The following SLC8A2 variants were observed in gnomAD, a reference collection of about 807,000 sequenced individuals.
SLC8A2 encodes the protein solute carrier family 8 member A2, also known as sodium/calcium exchanger 2.
SLC8A2 carries 14 observed loss-of-function variants against 70.2 expected under a neutral mutation model. The ratio of observed to expected loss-of-function variants is 0.20; its 90% CI spans 0.13 to 0.31. The LOEUF (loss-of-function observed/expected upper bound fraction) is 0.31. SLC8A2 is among the 10% of genes least tolerant of loss of function. The pLI, the probability that SLC8A2 is intolerant of heterozygous loss-of-function variation, is 1.00. For synonymous variants in SLC8A2, 575 were observed against 594.3 expected, an observed-to-expected ratio of 0.97 and a Z score of 0.47; for missense variants, 779 against 1,320.1, an observed-to-expected ratio of 0.59 and a Z score of 6.35.
At chr19:47,470,388 C>CACACACA (rs3223011) in intron 1 of SLC8A2, among the ~76,000 whole-genome samples, 1 of 150,100 alleles carries the variant, frequency 6.7e-6, no homozygotes, top group African/African-American at 2.5e-5. Context: ...CACACACACA[C>CACACACA]CAGGGCTACA....
chr19:47,455,478 C>T (rs528479642), intron 3 of SLC8A2, among the ~76,000 whole-genome samples: 11 of 152,264 alleles, frequency 7.2e-5, no homozygotes, highest in African/African-American at 1.4e-4. Flanking sequence ...CCATTTGGGC[C>T]GGGACTTTAT....
intron 6 of SLC8A2, among the ~76,000 whole-genome samples, chr19:47,439,469 G>A (rs1483439670): frequency 6.6e-6 from 1 of 152,062 alleles, no homozygotes; most frequent in Non-Finnish European, 1.5e-5. Flanking sequence ...GGGGGTGGAG[G>A]TTGCCATGAG....
intron 6 of SLC8A2, 143 bp downstream of exon 6, chr19:47,441,026 C>T: frequency 2.8e-6 from 2 of 707,230 alleles, no homozygotes; most frequent in Non-Finnish European, 4.9e-6. Flanking sequence ...ACCCCACTGT[C>T]CCCCAGCCCT....
rs1967455560 is a variant in SLC8A2 at position 47,466,140 on chromosome 19, G to T, written c.264C>A (p.Ile88=). ...AMVYMFLGVS[I]IADRFMAAIE... ...TGGCCGCCATGAAACGGTCGGCGAT[G>T]ATGGACACTCCCAGAAACATGTAGA... Residue 88 remains isoleucine (I), a synonymous_variant, in exon 2 of 10, where the codon ATC becomes ATA. Coordinates refer to ENST00000236877, the MANE Select transcript of SLC8A2 (RefSeq NM_015063.3). This position sits in a 1 kb window ranked among gnomAD's most constrained non-coding sequence, Gnocchi z 6.9. 6.2e-7 allele frequency: 1 copy of T among 1,614,128 alleles called. No homozygotes were observed. Among genetic ancestry groups the T allele is most frequent in the Non-Finnish European group, 8.5e-7 (1 of 1,180,050 alleles).
In SLC8A2 at chr19:47,457,258, C is replaced by T. The variant is rs1967318125; in HGVS notation, c.1012G>A (p.Ala338Thr). Residue 338 changes from alanine (A) to threonine (T), a missense_variant, in exon 3 of 10, where the codon GCC becomes ACC. Around this residue, in one of 6 missense-constraint regions of SLC8A2, gnomAD observed 186 missense variants for 246.6 expected, o/e 0.75. Transcript: ENST00000236877. ...DKDLEQLVGIANYYALLHQQK... is the reference protein window; with the variant it reads ...DKDLEQLVGITNYYALLHQQK... ...TGGTGCAGCAGCGCGTAGTAGTTGG[C>T]GATGCCCACCAGCTGCTCCAGATCC... 1 of 1,547,018 alleles carries T rather than the reference C, an allele frequency of 6.5e-7. No individual in the cohort carries two copies. The highest frequency in any genetic ancestry group is 1.4e-5 in the African/African-American group (1 of 72,528).
intron 4 of SLC8A2, among the ~76,000 whole-genome samples, chr19:47,446,075 G>C (rs1721299252): frequency 6.6e-6 from 1 of 152,234 alleles, no homozygotes; most frequent in Admixed American, 6.5e-5. Context: ...GAGATGCAGA[G>C]GGAGAGACGG....
At chr19:47,458,961 T>G (rs1967353634) in intron 2 of SLC8A2, among the ~76,000 whole-genome samples, 1 of 149,268 alleles carries the variant, frequency 6.7e-6, no homozygotes, top group Admixed American at 6.7e-5. Flanking sequence ...TGTCTCTGTC[T>G]CTGCTCATCT....
intron 8 of SLC8A2, among the ~76,000 whole-genome samples, chr19:47,434,038 A>G (rs920426674): frequency 6.6e-6 from 1 of 152,264 alleles, no homozygotes; most frequent in Non-Finnish European, 1.5e-5. Flanking sequence ...ATGAGAATCA[A>G]TGAGCACACT....
intron 4 of SLC8A2, among the ~76,000 whole-genome samples, chr19:47,444,579 C>T (rs2122626397): frequency 6.6e-6 from 1 of 152,284 alleles, no homozygotes; most frequent in South Asian, 2.1e-4. Flanking sequence ...CAGACAGCTG[C>T]CGACACAGTG....
At chr19:47,453,654 ATT>A (rs1318614960) in intron 3 of SLC8A2, among the ~76,000 whole-genome samples, 2 of 152,166 alleles carry the variant, frequency 1.3e-5, no homozygotes, top group Admixed American at 6.5e-5. Flanking sequence ...TAATCCCAGC[ATT>A]TTGGGAGGCT....
At chr19:47,451,005 C>CT (rs71180844) in intron 3 of SLC8A2, among the ~76,000 whole-genome samples, 2,950 of 79,962 alleles carry the variant, frequency 0.037, 185 homozygotes, top group African/African-American at 0.11. Flanking sequence ...GTAGCACTAT[C>CT]TTTTTTTTTT....
Position 47,466,313 on chromosome 19 carries a change from G to A in SLC8A2, c.91C>T (p.Pro31Ser), listed in dbSNP as rs1199078953. The A allele has an allele frequency of 8.7e-6, 13 of 1,487,966 alleles. No individual in the cohort carries two copies. The highest frequency in any genetic ancestry group is 1.2e-5 in the Non-Finnish European group (13 of 1,115,426). The allele number at this position is 1,487,966 out of a possible 1,614,324, so 92.2% of individuals were successfully genotyped here. ...CTGGTGTCGCTGTCATTGGCCGGGG[G>A]AGGCGGCAGGGAGGGGGTTGGGGTG... ...AATPTPSLPP[P>S]PANDSDTSTG... is the part of the protein sequence containing the mutation. Residue 31 changes from proline (P) to serine (S), a missense_variant, in exon 2 of 10, where the codon CCC becomes TCC. Physicochemically the swap from Pro to Ser is moderately conservative, Grantham distance 74. Around this residue, in one of 6 missense-constraint regions of SLC8A2, gnomAD observed 65 missense variants for 61.3 expected, o/e 1.06. Coordinates refer to ENST00000236877, the MANE Select transcript of SLC8A2 (RefSeq NM_015063.3). This position sits in a 1 kb window ranked among gnomAD's most constrained non-coding sequence, Gnocchi z 6.9.
At chr19:47,457,804 T>TCCTTCCTG (rs942561627) in intron 2 of SLC8A2, among the ~76,000 whole-genome samples, 14 of 149,112 alleles carry the variant, frequency 9.4e-5, no homozygotes, top group African/African-American at 3.2e-4. Flanking sequence ...TTCTCTTCCT[T>TCCTTCCTG]CCTTTCTTCC....
intron 8 of SLC8A2, 64 bp downstream of exon 8, chr19:47,437,398 C>A: frequency 1.7e-6 from 2 of 1,153,582 alleles, no homozygotes; most frequent in Admixed American, 1.7e-5. Context: ...ATTCATTTCT[C>A]CCCCTTTCCC....
At chr19:47,460,519 G>A (rs1333423680) in intron 2 of SLC8A2, among the ~76,000 whole-genome samples, 1 of 151,948 alleles carries the variant, frequency 6.6e-6, no homozygotes, top group Non-Finnish European at 1.5e-5. Flanking sequence ...CCAACATGGT[G>A]AAACCCCATC....
intron 2 of SLC8A2, among the ~76,000 whole-genome samples, chr19:47,459,714 CAT>C (rs772429328): frequency 1.2e-4 from 18 of 147,834 alleles, no homozygotes; most frequent in African/African-American, 4.3e-4. Context: ...TGTGTGCGCG[CAT>C]GTGTGTACGT....
intron 3 of SLC8A2, among the ~76,000 whole-genome samples, chr19:47,451,308 C>CTTTTTTTTTT (rs1555749092): frequency 2.7e-5 from 4 of 150,362 alleles, no homozygotes; most frequent in African/African-American, 9.9e-5. Context: ...GCGCCCAGAC[C>CTTTTTTTTTT]TTTTTTTTGT....
chr19:47,462,815 T>C (rs1014138198), intron 2 of SLC8A2, among the ~76,000 whole-genome samples: 1 of 152,106 alleles, frequency 6.6e-6, no homozygotes, highest in Admixed American at 6.5e-5. Context: ...TTCGAACTCA[T>C]GACCTCAGGT....
chr19:47,441,974 T>C (rs1051729046), intron 4 of SLC8A2, among the ~76,000 whole-genome samples: 1 of 152,110 alleles, frequency 6.6e-6, no homozygotes, highest in African/African-American at 2.4e-5. Flanking sequence ...TGGTGGCACA[T>C]GCCTGTAGTC....
Sources: allele counts gnomAD v4.1 joint callset (sites outside exome capture counted in the v4.1 genomes callset), GRCh38; gene constraint gnomAD v4.1.1; regional missense constraint gnomAD v4.1.1; non-coding constraint Gnocchi (gnomAD v3.1); transcripts MANE v1.5; gene names NCBI Gene and HGNC (gene_info 2026-07-23, HGNC 2026-07-21).